The following ANKH variants were observed in gnomAD, a reference collection of about 807,000 sequenced individuals.
The protein encoded by ANKH is mineralization regulator ANKH.
In ANKH, 15 loss-of-function variants were observed where a neutral mutation model predicts 49.0. The ratio of observed to expected loss-of-function variants is 0.31; its 90% confidence interval spans 0.20 to 0.47. The LOEUF (loss-of-function observed/expected upper bound fraction) is 0.47. Among genes scored for constraint, ANKH ranks in the 20% least tolerant of loss-of-function variants. ANKH has a pLI of 1.00. For synonymous variants in ANKH, 273 were observed against 260.0 expected, an observed-to-expected ratio of 1.05 and a Z score of -0.48; for missense variants, 429 against 652.0, an observed-to-expected ratio of 0.66 and a Z score of 3.72.
chr5:14,869,654 G>A (rs1240994581), intron 1 of ANKH: 2 of 152,206 alleles, frequency 1.3e-5, no homozygotes, highest in Non-Finnish European at 2.9e-5. Context: ...GACTTCAGGA[G>A]ATTCTTTTTC....
intron 1 of ANKH, among the ~76,000 whole-genome samples, chr5:14,861,960 G>A (rs1339173807): frequency 1.3e-5 from 2 of 152,224 alleles, no homozygotes. Context: ...TTGGGGCTGA[G>A]CATGGTAGCT....
chr5:14,721,786 C>T (rs934229026), intron 8 of ANKH, among the ~76,000 whole-genome samples: 2 of 151,864 alleles, frequency 1.3e-5, no homozygotes, highest in Non-Finnish European at 1.5e-5. Context: ...AAAAATTAGC[C>T]AGGCATGGTG....
chr5:14,835,907 A>G (rs1269546319), intron 1 of ANKH, among the ~76,000 whole-genome samples: 1 of 152,214 alleles, frequency 6.6e-6, no homozygotes, highest in Non-Finnish European at 1.5e-5. Context: ...CACATCAAAA[A>G]GCTTATTCAC....
intron 1 of ANKH, among the ~76,000 whole-genome samples, chr5:14,843,548 C>CA (rs1561080362): frequency 2.8e-4 from 6 of 21,086 alleles, no homozygotes; most frequent in African/African-American, 1.4e-3. Context: ...AGGGGATTAG[C>CA]GAAAAAAAAA....
rs1425001724 is a variant in ANKH, at chr5:14,757,413, CAT to C, written c.432+1065_432+1066del. ...TTTCCAGCATTGGACCTTATTGGAA[CAT>C]ATATATATATATATATTTTTTTTTT... On this transcript the variant is annotated intron_variant, in intron 3 of 11. Coordinates refer to ENST00000284268, the MANE Select transcript of ANKH (RefSeq NM_054027.6). 1.9e-3 allele frequency among the ~76,000 whole-genome samples: 239 copies of C among 127,080 alleles called. 4 individuals carry two copies. Among genetic ancestry groups the C allele is most frequent in the East Asian group, 9.2e-3 (41 of 4,474 alleles). 83.4% of individuals were successfully genotyped at this position (127,080 alleles called of 152,430 possible). A position where few individuals can be genotyped will look rare whatever the true frequency, so the allele number is the denominator to read the frequency against.
At chr5:14,763,684 T>C (rs529867932) in intron 2 of ANKH, among the ~76,000 whole-genome samples, 14 of 152,376 alleles carry the variant, frequency 9.2e-5, no homozygotes, top group African/African-American at 2.9e-4. Context: ...GAAGAATTTA[T>C]TGCAGGAGAT....
At chr5:14,711,497 G>C (rs1737203370) in intron 11 of ANKH, among the ~76,000 whole-genome samples, 187 bp from the exon 12 acceptor site, 1 of 151,994 alleles carries the variant, frequency 6.6e-6, no homozygotes, top group Non-Finnish European at 1.5e-5. Flanking sequence ...TTGGTTGTCT[G>C]TGTGCCTGCT....
chr5:14,727,383 C>T (rs893787711), intron 8 of ANKH, among the ~76,000 whole-genome samples: 1 of 151,774 alleles, frequency 6.6e-6, no homozygotes, highest in Non-Finnish European at 1.5e-5. Flanking sequence ...AATATGAAAA[C>T]TAAATCATCC....
chr5:14,763,795 A>T (rs959106420), intron 2 of ANKH, among the ~76,000 whole-genome samples: 11 of 152,188 alleles, frequency 7.2e-5, no homozygotes, highest in Non-Finnish European at 1.0e-4. Flanking sequence ...CCCCCAAAAG[A>T]AGTGACTGGG....
intron 1 of ANKH, among the ~76,000 whole-genome samples, chr5:14,792,120 T>G (rs1188316685): frequency 6.6e-6 from 1 of 152,098 alleles, no homozygotes; most frequent in Non-Finnish European, 1.5e-5. Flanking sequence ...GTGCCAGAGC[T>G]CAGCCTGCTC....
At chr5:14,733,513 A>G (rs555409473) in intron 8 of ANKH, among the ~76,000 whole-genome samples, 1 of 152,174 alleles carries the variant, frequency 6.6e-6, no homozygotes, top group South Asian at 2.1e-4. Flanking sequence ...GTGTTTTTTG[A>G]TTGTTTTCTT....
At position 14,856,977 on chromosome 5, in the gene ANKH, TC is replaced by T. The variant is rs567616346; in HGVS notation, c.96+14374del. Among the ~76,000 whole-genome samples, 351 of 152,276 alleles carry T rather than the reference TC, an allele frequency of 2.3e-3. 3 individuals are homozygous for T. The highest frequency in any genetic ancestry group is 8.1e-3 in the African/African-American group (336 of 41,574). ...CATATGTTCACAGGGAAGCAAAACT[TC>T]CTGAGCACCAGTGAACTCATTGAAA... is the stretch of plus-strand genomic sequence containing the variant. On this transcript the variant is annotated intron_variant, in intron 1 of 11. Coordinates refer to ENST00000284268, the MANE Select transcript of ANKH (RefSeq NM_054027.6).
At chr5:14,798,400 T>C (rs1580077096) in intron 1 of ANKH, 15 of 1,563,460 alleles carry the variant, frequency 9.6e-6, no homozygotes, top group African/African-American at 6.8e-5. Context: ...TTGTCGGCCA[T>C]GGCGGGCAGG....
At chr5:14,851,644 C>T (rs1320375201) in intron 1 of ANKH, among the ~76,000 whole-genome samples, 1 of 152,202 alleles carries the variant, frequency 6.6e-6, no homozygotes, top group African/African-American at 2.4e-5. Context: ...GCACTACTTT[C>T]CACTCCCTCA....
intron 1 of ANKH, among the ~76,000 whole-genome samples, chr5:14,839,482 T>C (rs1741755547): frequency 6.7e-6 from 1 of 149,666 alleles, no homozygotes; most frequent in South Asian, 2.1e-4. Flanking sequence ...TAGATGCTTC[T>C]AGCCTCAACT....
chr5:14,728,163 G>T (rs553962269), intron 8 of ANKH, among the ~76,000 whole-genome samples: 2 of 152,348 alleles, frequency 1.3e-5, no homozygotes, highest in East Asian at 1.9e-4. Context: ...CTCACTATGC[G>T]CCAACAGCGC....
intron 1 of ANKH, among the ~76,000 whole-genome samples, chr5:14,822,466 A>T (rs1257860763): frequency 2.0e-5 from 3 of 152,308 alleles, no homozygotes; most frequent in Admixed American, 2.0e-4. Context: ...TTCACACTTC[A>T]GAAATAGCAC....
intron 8 of ANKH, among the ~76,000 whole-genome samples, chr5:14,720,431 T>C (rs1405521067): frequency 6.6e-6 from 1 of 152,200 alleles, no homozygotes; most frequent in Admixed American, 6.5e-5. Flanking sequence ...TACACAGTCA[T>C]AGCCCTGGTA....
intron 8 of ANKH, among the ~76,000 whole-genome samples, chr5:14,728,974 T>C (rs1435252533): frequency 3.9e-5 from 6 of 152,118 alleles, no homozygotes; most frequent in Admixed American, 2.6e-4. Flanking sequence ...ACATGGACAG[T>C]AGGTAGAAAT....
Sources: allele counts gnomAD v4.1 joint callset (sites outside exome capture counted in the v4.1 genomes callset), GRCh38; gene constraint gnomAD v4.1.1; transcripts MANE v1.5; gene names NCBI Gene and HGNC (gene_info 2026-07-23, HGNC 2026-07-21).